SRGAP2: variants seen among roughly 807,000 people sequenced by gnomAD.
SRGAP2 encodes SLIT-ROBO Rho GTPase-activating protein 2.
SRGAP2 carries 15 observed loss-of-function variants against 57.2 expected under a neutral mutation model. That is an observed-to-expected ratio of 0.26 (90% CI 0.18 to 0.40). SRGAP2 has a LOEUF of 0.40. SRGAP2 is among the 10% of genes least tolerant of loss of function. The pLI, the probability that SRGAP2 is intolerant of heterozygous loss-of-function variation, is 1.00. For missense variants in SRGAP2, 520 were observed against 669.6 expected (o/e 0.78, Z 2.47); for synonymous variants, 249 against 248.0 (o/e 1.00, Z -0.04).
intron 3 of SRGAP2, among the ~76,000 whole-genome samples, chr1:206,307,825 C>G (rs1437543373): frequency 2.6e-5 from 4 of 151,796 alleles, no homozygotes; most frequent in African/African-American, 9.7e-5. Context: ...GGTTCCCGCT[C>G]GTGCCTCTCC....
At chr1:206,339,586 T>G (rs1553334664) in intron 3 of SRGAP2, among the ~76,000 whole-genome samples, 2 of 152,032 alleles carry the variant, frequency 1.3e-5, no homozygotes, top group Admixed American at 1.3e-4. Flanking sequence ...CTCATGTCAG[T>G]GAGGGTTGCT....
intron 2 of SRGAP2, among the ~76,000 whole-genome samples, chr1:206,275,579 T>A (rs1366563332): frequency 7.9e-6 from 1 of 127,280 alleles, no homozygotes; most frequent in African/African-American, 3.2e-5. Context: ...CTTCCAGGGG[T>A]CTTCTCATTG....
chr1:206,355,275 T>A (rs1458943038), intron 4 of SRGAP2, among the ~76,000 whole-genome samples: 1 of 152,208 alleles, frequency 6.6e-6, no homozygotes, highest in Non-Finnish European at 1.5e-5. Flanking sequence ...GTTGTTTACT[T>A]GTGTTGTTAA....
At chr1:206,365,458 C>T (rs142914224) in intron 4 of SRGAP2, among the ~76,000 whole-genome samples, 19 of 152,130 alleles carry the variant, frequency 1.2e-4, no homozygotes, top group African/African-American at 3.4e-4. Flanking sequence ...ATGTCCCAGG[C>T]GGGAGGTCAT....
chr1:206,340,021 C>T (rs1173912737), intron 3 of SRGAP2, among the ~76,000 whole-genome samples: 2 of 148,856 alleles, frequency 1.3e-5, no homozygotes, highest in Admixed American at 1.3e-4. Context: ...AACTCTTGGT[C>T]TCAAGTGATC....
intron 3 of SRGAP2, among the ~76,000 whole-genome samples, chr1:206,318,605 C>T (rs1180436657): frequency 1.3e-5 from 2 of 152,214 alleles, no homozygotes; most frequent in Non-Finnish European, 2.9e-5. Flanking sequence ...GTTTGATTGG[C>T]TCATGGTTCT....
intron 11 of SRGAP2, among the ~76,000 whole-genome samples, chr1:206,418,639 C>G (rs985342496): frequency 1.1e-4 from 17 of 152,108 alleles, no homozygotes; most frequent in Non-Finnish European, 2.2e-4. Context: ...GAGAATACTT[C>G]TCATGAACTT....
intron 4 of SRGAP2, among the ~76,000 whole-genome samples, chr1:206,364,174 G>C (rs1677109733): frequency 6.7e-6 from 1 of 148,864 alleles, no homozygotes; most frequent in East Asian, 2.0e-4. Flanking sequence ...GGCTATGTTT[G>C]GAATCAATAA....
chr1:206,307,138 AC>A (rs1672267692), intron 3 of SRGAP2, among the ~76,000 whole-genome samples: 1 of 152,084 alleles, frequency 6.6e-6, no homozygotes, highest in African/African-American at 2.4e-5. Context: ...CTTGAGCTAA[AC>A]ACAGGGTGCT....
intron 4 of SRGAP2, among the ~76,000 whole-genome samples, chr1:206,373,161 T>A (rs1654878755): frequency 7.2e-6 from 1 of 139,468 alleles, no homozygotes; most frequent in Non-Finnish European, 1.5e-5. Context: ...AGTAGTGCAA[T>A]CTCAGCTCAC....
intron 3 of SRGAP2, among the ~76,000 whole-genome samples, chr1:206,326,825 G>C (rs1673930365): frequency 6.6e-6 from 1 of 152,214 alleles, no homozygotes; most frequent in East Asian, 1.9e-4. Context: ...GATTCACTGA[G>C]TTTGGGAATT....
intron 17 of SRGAP2, among the ~76,000 whole-genome samples, chr1:206,445,579 A>C (rs868951126): frequency 6.6e-6 from 1 of 152,356 alleles, no homozygotes; most frequent in Middle Eastern, 3.4e-3. Flanking sequence ...CTAGAAAGGA[A>C]TATCCCTAAT....
intron 22 of SRGAP2, among the ~76,000 whole-genome samples, chr1:206,459,210 G>T (rs1664071259): frequency 6.6e-6 from 1 of 152,204 alleles, no homozygotes; most frequent in Non-Finnish European, 1.5e-5. Context: ...GAAGGCTGTT[G>T]TAATTTTTAA....
At chr1:206,450,827 T>G (rs1553375614) in intron 19 of SRGAP2, among the ~76,000 whole-genome samples, 1 of 151,812 alleles carries the variant, frequency 6.6e-6, no homozygotes, top group African/African-American at 2.4e-5. Context: ...TGAAAAACAG[T>G]AAGCAATTGG....
At position 206,393,656 on chromosome 1, in the gene SRGAP2, C is replaced by A. The variant is rs782620359; in HGVS notation, c.814C>A (p.Leu272Ile). 4.2e-5 allele frequency: 30 copies of A among 709,056 alleles called. No homozygotes were observed. In the East Asian group the frequency reaches 7.2e-4, roughly 17 times the overall value. The allele number at this position is 709,056 out of a possible 1,614,324, so 43.9% of individuals were successfully genotyped here. The change falls in exon 7 of 23, where the codon CTA (leucine) becomes ATA (isoleucine). Residue 272 changes from leucine (L) to isoleucine (I), a missense_variant. By Grantham distance (5) the Leu-to-Ile change is conservative. Transcript: ENST00000573034. ...TGTCTTCAAGTACTACATCCATGAC[C>A]TATCTGACCTTATTGATGTAAGTGC... is the stretch of plus-strand genomic sequence containing the variant. ...ASVFKYYIHD[L>I]SDLIDQCCDL...
intron 2 of SRGAP2, among the ~76,000 whole-genome samples, chr1:206,291,310 T>C (rs1291130855): frequency 6.6e-6 from 1 of 152,168 alleles, no homozygotes; most frequent in Non-Finnish European, 1.5e-5. Context: ...ACCTCAGTGG[T>C]CCCTCGTTGT....
chr1:206,334,682 G>T (rs1674642903), intron 3 of SRGAP2, among the ~76,000 whole-genome samples: 1 of 152,272 alleles, frequency 6.6e-6, no homozygotes, highest in Non-Finnish European at 1.5e-5. Context: ...TAAGGGGGTG[G>T]TTACTGCTTT....
intron 20 of SRGAP2, chr1:206,453,707 C>T (rs1463488295): frequency 3.7e-6 from 1 of 266,716 alleles, no homozygotes; most frequent in East Asian, 7.2e-5. Context: ...TATTTGACCA[C>T]CTATATTTCT....
Position 206,410,932 on chromosome 1 carries a change from C to G in SRGAP2, c.1356+4358C>G, listed in dbSNP as rs564273040. Among the ~76,000 whole-genome samples the G allele has an allele frequency of 1.1e-3, 175 of 152,352 alleles. 1 individual carries two copies. The highest frequency in any genetic ancestry group is 0.011 in the Admixed American group (163 of 15,306). On this transcript the variant is annotated intron_variant, in intron 10 of 22. Coordinates refer to ENST00000573034, the MANE Select transcript of SRGAP2 (RefSeq NM_015326.5). ...CTGGAGTGCAATGGTGCAATCTGGG[C>G]TCACTGCAACCTCCACCTCTCAGGT...
Sources: gnomAD v4.1 joint callset for allele counts (sites outside exome capture counted in the v4.1 genomes callset) on GRCh38, gnomAD v4.1.1 for gene constraint, MANE v1.5 for transcripts, NCBI Gene and HGNC (gene_info 2026-07-23, HGNC 2026-07-21) for gene names.